Variants in TNS3 observed in about 807,000 individuals in gnomAD.
TNS3 encodes tensin-3.
TNS3 carries 45 observed loss-of-function variants against 140.9 expected under a neutral mutation model. The observed-to-expected ratio is 0.32, with a 90% CI of 0.25 to 0.41. The LOEUF (loss-of-function observed/expected upper bound fraction) is 0.41. TNS3 is among the 10% of genes least tolerant of loss of function. TNS3 has a pLI of 1.00. For synonymous variants in TNS3, 815 were observed against 788.4 expected (o/e 1.03, Z -0.56); for missense variants, 1,716 against 1,906.7 (o/e 0.90, Z 1.86).
Position 47,297,235 on chromosome 7 carries a change from A to G in TNS3, c.3545-22T>C, listed in dbSNP as rs758279569. 2.5e-6 allele frequency: 4 copies of G among 1,600,838 alleles called. No individual in the cohort carries two copies. The African/African-American group carries it at 5.4e-5, about 22-fold the overall frequency. On this transcript the variant is annotated intron_variant, in intron 23 of 30. Transcript: ENST00000311160. ...ATGGCTGGAGAAAGGGAGGAGAAAG[A>G]CAAGAAGGTCTGCCGGGTGGACAAA...
At chr7:47,530,838 A>AATATATATATAT (rs1554350245) in intron 1 of TNS3, among the ~76,000 whole-genome samples, 3,539 of 53,780 alleles carry the variant, frequency 0.066, 356 homozygotes, top group African/African-American at 0.082. Flanking sequence ...AAAAAAAAAA[A>AATATATATATAT]ATATATATAT....
intron 4 of TNS3, among the ~76,000 whole-genome samples, chr7:47,474,014 G>A (rs1224450683): frequency 6.6e-6 from 1 of 151,546 alleles, no homozygotes; most frequent in Non-Finnish European, 1.5e-5. Context: ...AAGACTTCCT[G>A]ACAGTCACAT....
chr7:47,493,365 G>A (rs1042755201), intron 3 of TNS3, among the ~76,000 whole-genome samples: 32 of 152,174 alleles, frequency 2.1e-4, no homozygotes, highest in Admixed American at 1.3e-4. Flanking sequence ...TAAAATGGAA[G>A]AAAAGGTATA....
intron 4 of TNS3, among the ~76,000 whole-genome samples, chr7:47,450,579 TCCCTAAGACCCAAGAC>T (rs1402725780): frequency 6.6e-6 from 1 of 152,206 alleles, no homozygotes. Flanking sequence ...CATCTCTGCC[TCCCTAAGACCCAAGAC>T]CCTGGAGCAG....
intron 10 of TNS3, among the ~76,000 whole-genome samples, chr7:47,423,855 C>T (rs1448459912): frequency 6.6e-6 from 1 of 152,316 alleles, no homozygotes; most frequent in Non-Finnish European, 1.5e-5. Flanking sequence ...GGAGCAAGTC[C>T]TCCCTTTACC....
At chr7:47,279,978 A>G in intron 30 of TNS3, 186 bp downstream of exon 30, 1 of 690,022 alleles carries the variant, frequency 1.4e-6, no homozygotes, top group Admixed American at 2.9e-5. Context: ...CAGCCGGCAG[A>G]AAAGTTAACA....
intron 9 of TNS3, among the ~76,000 whole-genome samples, chr7:47,427,705 T>G (rs1238765099): frequency 6.6e-6 from 1 of 152,156 alleles, no homozygotes; most frequent in Non-Finnish European, 1.5e-5. Context: ...TCTCCACGAT[T>G]ACAGTTCCAT....
In TNS3 at chr7:47,473,606, C is replaced by T. The variant is rs113507229; in HGVS notation, c.-76+7497G>A. On this transcript the variant is annotated intron_variant, in intron 4 of 30. Coordinates refer to ENST00000311160, the MANE Select transcript of TNS3 (RefSeq NM_022748.12). ...TCTATAAGCAGGAAATAACCACTGT[C>T]CAGTCAAATACCTGGACTTATGGGC... Among the ~76,000 whole-genome samples the T allele has an allele frequency of 1.6e-3, 245 of 152,258 alleles. 2 individuals are homozygous for T. The highest frequency in any genetic ancestry group is 5.4e-3 in the African/African-American group (226 of 41,520).
intron 8 of TNS3, among the ~76,000 whole-genome samples, chr7:47,430,368 G>A (rs1794870756): frequency 6.6e-6 from 1 of 152,072 alleles, no homozygotes; most frequent in South Asian, 2.1e-4. Flanking sequence ...GATGTCAGGT[G>A]ATCCCCCCGC....
chr7:47,330,405 C>T (rs1040756642), intron 20 of TNS3, among the ~76,000 whole-genome samples: 1 of 152,226 alleles, frequency 6.6e-6, no homozygotes, highest in African/African-American at 2.4e-5. Flanking sequence ...TCTCCTTCCA[C>T]TTACCCATCA....
rs142696789 is a variant in TNS3, at chr7:47,377,310, T to C, written c.1025-7689A>G. Among the ~76,000 whole-genome samples the C allele has an allele frequency of 3.0e-3, 464 of 152,332 alleles. 5 individuals carry two copies. The highest frequency in any genetic ancestry group is 0.011 in the African/African-American group (447 of 41,566). ...GAGTGCTCATCTGCAGGCAGTCTCC[T>C]GGAGGGGTCTCAAGGACTATGCCGA... is the stretch of plus-strand genomic sequence containing the variant. On this transcript the variant is annotated intron_variant, in intron 16 of 30. Transcript: ENST00000311160.
intron 16 of TNS3, among the ~76,000 whole-genome samples, chr7:47,378,350 C>T (rs1308753464): frequency 6.6e-6 from 1 of 152,172 alleles, no homozygotes; most frequent in Non-Finnish European, 1.5e-5. Flanking sequence ...CACTGAGGAA[C>T]TGTTCTCTAA....
chr7:47,386,468 A>G (rs1792077878), intron 16 of TNS3, among the ~76,000 whole-genome samples: 1 of 152,230 alleles, frequency 6.6e-6, no homozygotes, highest in Non-Finnish European at 1.5e-5. Context: ...TCCACCCTCG[A>G]CAGGCCTTGA....
At chr7:47,436,054 A>G (rs77552813) in intron 7 of TNS3, among the ~76,000 whole-genome samples, 2,540 of 152,258 alleles carry the variant, frequency 0.017, 63 homozygotes, top group African/African-American at 0.058. Flanking sequence ...TGTCAGTAGG[A>G]CGAGGACAAG....
chr7:47,440,718 C>A (rs560900674), intron 5 of TNS3, among the ~76,000 whole-genome samples: 1 of 152,258 alleles, frequency 6.6e-6, no homozygotes, highest in South Asian at 2.1e-4. Context: ...GAAAAGGTTC[C>A]AGGGAGAGGG....
At chr7:47,363,027 C>CCACCATCACCATGACCAT (rs1790455454) in intron 17 of TNS3, among the ~76,000 whole-genome samples, 3 of 100 alleles carry the variant, frequency 0.03, no homozygotes, top group Admixed American at 0.17. Flanking sequence ...AGGGTCATCA[C>CCACCATCACCATGACCAT]CATCACCATC....
intron 26 of TNS3, among the ~76,000 whole-genome samples, chr7:47,292,417 A>T (rs1440814226): frequency 6.6e-6 from 1 of 152,230 alleles, no homozygotes; most frequent in Non-Finnish European, 1.5e-5. Flanking sequence ...TTCATTATGG[A>T]TATTGTTTAA....
chr7:47,496,020 C>G (rs1350971343), intron 3 of TNS3, among the ~76,000 whole-genome samples: 1 of 152,092 alleles, frequency 6.6e-6, no homozygotes, highest in African/African-American at 2.4e-5. Context: ...GCACACGGTG[C>G]CACAGGGCTG....
At chr7:47,581,782 A>G (rs1784540711) in intron 1 of TNS3, among the ~76,000 whole-genome samples, 1 of 149,934 alleles carries the variant, frequency 6.7e-6, no homozygotes. Context: ...GCGCGCACCA[A>G]ACCCCTTGCC....
Sources: allele counts gnomAD v4.1 joint callset (sites outside exome capture counted in the v4.1 genomes callset), GRCh38; gene constraint gnomAD v4.1.1; transcripts MANE v1.5; gene names NCBI Gene and HGNC (gene_info 2026-07-23, HGNC 2026-07-21).